JAM3: variants seen among roughly 807,000 people sequenced by gnomAD.
JAM3 encodes junctional adhesion molecule 3.
In JAM3, 31 loss-of-function variants were observed where a neutral mutation model predicts 39.4. That is an observed-to-expected ratio of 0.79 (90% CI 0.59 to 1.06). JAM3 has a LOEUF of 1.06. JAM3 is among the 50% of genes least tolerant of loss of function. The probability of loss-of-function intolerance (pLI) is 0.00; values close to 1 mark genes in which losing one functional copy is unlikely to be tolerated. For missense variants in JAM3, 455 were observed against 391.4 expected, an observed-to-expected ratio of 1.16 and a Z score of -1.37; for synonymous variants, 182 against 148.7, an observed-to-expected ratio of 1.22 and a Z score of -1.63.
chr11:134,146,095 G>T, intron 6 of JAM3, 50 bp downstream of exon 6: 1 of 1,228,568 alleles, frequency 8.1e-7, no homozygotes, highest in South Asian at 1.2e-5. Flanking sequence ...GAAGTGAATA[G>T]AACATTTTAA....
At chr11:134,070,317 T>G in intron 1 of JAM3, 1 of 422,414 alleles carries the variant, frequency 2.4e-6, no homozygotes, top group South Asian at 1.7e-5. Flanking sequence ...TTAGATTATT[T>G]TATTGTTTGA....
chr11:134,139,760 C>T (rs1474485393), intron 1 of JAM3, 91 bp from the exon 2 acceptor site: 2 of 947,556 alleles, frequency 2.1e-6, no homozygotes, highest in African/African-American at 1.6e-5. Context: ...GTAACCATAG[C>T]CTACGCAGAC....
chr11:134,148,693 T>A lies in JAM3; in HGVS notation c.842+17T>A, dbSNP rs752559365. ...TGGAGAAAGGTGAGCCTGCCTTATG[T>A]GAAAAAAGGGAAGTTCAAGCTGGCA... On this transcript the variant is annotated intron_variant, in intron 7 of 8. Coordinates refer to ENST00000299106, the MANE Select transcript of JAM3 (RefSeq NM_032801.5). The A allele has an allele frequency of 1.9e-6, 3 of 1,613,844 alleles. No homozygotes were observed. The highest frequency in any genetic ancestry group is 1.3e-5 in the African/African-American group (1 of 74,858).
At chr11:134,139,981 C>A in intron 2 of JAM3, 65 bp downstream of exon 2, 1 of 1,202,060 alleles carries the variant, frequency 8.3e-7, no homozygotes, top group Non-Finnish European at 1.2e-6. Flanking sequence ...GTCTTGCAGC[C>A]AACTCAGGAC....
At chr11:134,137,479 T>C (rs1942888583) in intron 1 of JAM3, among the ~76,000 whole-genome samples, 1 of 152,236 alleles carries the variant, frequency 6.6e-6, no homozygotes, top group Non-Finnish European at 1.5e-5. Context: ...GATTGGGTTG[T>C]CCAGTCATCA....
At chr11:134,134,111 A>C (rs1245092276) in intron 1 of JAM3, among the ~76,000 whole-genome samples, 1 of 152,172 alleles carries the variant, frequency 6.6e-6, no homozygotes, top group Non-Finnish European at 1.5e-5. Flanking sequence ...AAAAACTAGC[A>C]GAAACGAAAA....
intron 1 of JAM3, among the ~76,000 whole-genome samples, chr11:134,128,636 A>G (rs181780144): frequency 6.6e-6 from 1 of 152,030 alleles, no homozygotes; most frequent in East Asian, 1.9e-4. Flanking sequence ...ACTCGTGTGC[A>G]TGTGTGCTCT....
rs1270017232 is a variant in JAM3, at chr11:134,148,628, G to C, written c.794G>C (p.Cys265Ser). The change falls in exon 7 of 9, where the codon TGT (cysteine) becomes TCT (serine). Residue 265 changes from cysteine (C) to serine (S), a missense_variant. By Grantham distance (112) the Cys-to-Ser change is moderately radical (BLOSUM62 -1). Transcript: ENST00000299106. ...VLALITLGIC[C>S]AYRRGYFINN... ...GCCCTGATCACGTTGGGCATCTGCT[G>C]TGCATACAGACGTGGCTACTTCATC... The C allele has an allele frequency of 6.2e-7, 1 of 1,614,180 alleles. No individual in the cohort carries two copies. The highest frequency in any genetic ancestry group is 1.1e-5 in the South Asian group (1 of 91,076).
At chr11:134,148,882 GA>G in intron 8 of JAM3, 64 bp downstream of exon 8, 1 of 1,530,204 alleles carries the variant, frequency 6.5e-7, no homozygotes, top group Non-Finnish European at 9.0e-7. Flanking sequence ...TTCCCCCTTG[GA>G]AACCACACGG....
Position 134,069,174 on chromosome 11 carries a change from T to G in JAM3, c.76+15T>G. On this transcript the variant is annotated intron_variant, in intron 1 of 8. Coordinates refer to ENST00000299106, the MANE Select transcript of JAM3 (RefSeq NM_032801.5). The stretch of plus-strand genomic sequence containing the variant: ...GCTTTTCAGGGGTGAGTTTGCGCGT[T>G]TCCGCTGTTGGGAGACTAGGGTCTG... 1 of 1,612,030 alleles carries G rather than the reference T, an allele frequency of 6.2e-7. No individual in the cohort carries two copies. Among genetic ancestry groups the G allele is most frequent in the Non-Finnish European group, 8.5e-7 (1 of 1,179,044 alleles).
chr11:134,127,919 C>G (rs992604069), intron 1 of JAM3, among the ~76,000 whole-genome samples: 17 of 152,122 alleles, frequency 1.1e-4, no homozygotes, highest in African/African-American at 4.1e-4. Flanking sequence ...TCTTCTTACT[C>G]CTCTCTGCAC....
chr11:134,101,237 A>G (rs577689172), intron 1 of JAM3, among the ~76,000 whole-genome samples: 4 of 152,398 alleles, frequency 2.6e-5, no homozygotes, highest in Admixed American at 6.5e-5. Flanking sequence ...ATGTGTTAAC[A>G]TTTATAGAAT....
intron 6 of JAM3, chr11:134,148,103 A>G (rs1216033083): frequency 4.4e-6 from 1 of 225,324 alleles, no homozygotes; most frequent in Non-Finnish European, 8.8e-6. Context: ...TTTTTGAGAC[A>G]GATTCTTTAA....
chr11:134,140,652 G>A lies in JAM3; in HGVS notation c.143-5G>A, dbSNP rs762090062. 7 of 1,610,784 alleles carry A rather than the reference G, an allele frequency of 4.3e-6. No homozygotes were observed. The highest frequency in any genetic ancestry group is 5.1e-6 in the Non-Finnish European group (6 of 1,177,158). On this transcript the variant is annotated splice_region_variant and splice_polypyrimidine_tract_variant and intron_variant, in intron 2 of 8. Coordinates refer to ENST00000299106, the MANE Select transcript of JAM3 (RefSeq NM_032801.5). ...CGAGAGCTCTTTTTCTTCTTTGCGT[G>A]TTAGGTGTGGAACTGTCTTGCATCA...
chr11:134,071,151 C>T (rs641501), intron 1 of JAM3, among the ~76,000 whole-genome samples: 57,639 of 152,018 alleles, frequency 0.38, 11,638 homozygotes, highest in African/African-American at 0.53. Flanking sequence ...CTTGATATAA[C>T]AGCAAACATT....
At chr11:134,078,006 T>TG (rs1468976249) in intron 1 of JAM3, among the ~76,000 whole-genome samples, 1 of 152,114 alleles carries the variant, frequency 6.6e-6, no homozygotes, top group East Asian at 1.9e-4. Flanking sequence ...TGCCTGTCTC[T>TG]GGGGTGACTA....
intron 6 of JAM3, among the ~76,000 whole-genome samples, chr11:134,147,635 T>C (rs183429574): frequency 5.8e-3 from 883 of 151,844 alleles, no homozygotes; most frequent in Non-Finnish European, 9.3e-3. Flanking sequence ...TACAGGCACC[T>C]GCCAACACGC....
intron 1 of JAM3, among the ~76,000 whole-genome samples, chr11:134,095,643 A>G (rs868299300): frequency 6.6e-6 from 1 of 150,796 alleles, no homozygotes; most frequent in African/African-American, 2.4e-5. Context: ...AAAAAAAAAG[A>G]TTTGTTCTAA....
rs149112662 is a variant in JAM3 at position 134,079,992 on chromosome 11, CT to C, written c.76+10841del. Among the ~76,000 whole-genome samples the C allele has an allele frequency of 2.8e-3, 412 of 148,016 alleles. 4 individuals are homozygous for C. Among genetic ancestry groups the C allele is most frequent in the African/African-American group, 9.9e-3 (381 of 38,650 alleles). On this transcript the variant is annotated intron_variant, in intron 1 of 8. Coordinates refer to ENST00000299106, the MANE Select transcript of JAM3 (RefSeq NM_032801.5). ...TTTTGTTTGTTTGTTTTGTTTTGTT[CT>C]TTTTTTTGTTTTTTAAATCTACAGC...
Sources: allele counts gnomAD v4.1 joint callset (sites outside exome capture counted in the v4.1 genomes callset), GRCh38; gene constraint gnomAD v4.1.1; transcripts MANE v1.5; gene names NCBI Gene and HGNC (gene_info 2026-07-23, HGNC 2026-07-21).